Variants in WDR45B observed in about 807,000 individuals in gnomAD.
The protein encoded by WDR45B is WD repeat domain 45B.
Under a neutral mutation model 44.6 loss-of-function variants are expected in WDR45B, and 20 were observed. The observed-to-expected ratio is 0.45, with a 90% CI of 0.32 to 0.65. The LOEUF is 0.65. Among genes scored for constraint, WDR45B ranks in the 30% least tolerant of loss-of-function variants. WDR45B has a pLI of 0.05. For missense variants in WDR45B, 323 were observed against 430.2 expected (o/e 0.75, Z 2.20); for synonymous variants, 169 against 164.9 (o/e 1.02, Z -0.19).
chr17:82,644,229 C>T, intron 1 of WDR45B: 1 of 617,962 alleles, frequency 1.6e-6, no homozygotes. Flanking sequence ...TGTCCTTTAG[C>T]AAAGGAGTCT....
At position 82,615,686 on chromosome 17, in the gene WDR45B, G is replaced by A. The variant is rs978030859; in HGVS notation, c.*233C>T. The A allele has an allele frequency of 6.7e-5, 37 of 554,416 alleles. No homozygotes were observed. The highest frequency in any genetic ancestry group is 9.2e-5 in the Admixed American group (3 of 32,702). The allele number at this position is 554,416 out of a possible 1,614,324, so 34.3% of individuals were successfully genotyped here. On this transcript the variant is annotated 3_prime_UTR_variant, in exon 10 of 10. Coordinates refer to ENST00000392325, the MANE Select transcript of WDR45B (RefSeq NM_019613.4). ...GAACTCATGGGAACAGCCAGTGGCCGCCAGTCGAGCTGGTCACAGCCACTG... is the reference window on the plus strand; with the variant it reads ...GAACTCATGGGAACAGCCAGTGGCCACCAGTCGAGCTGGTCACAGCCACTG...
At position 82,627,249 on chromosome 17, in the gene WDR45B, A is replaced by C. The variant is rs1478796308; in HGVS notation, c.287T>G (p.Ile96Arg). 1 of 1,613,862 alleles carries C rather than the reference A, an allele frequency of 6.2e-7. No individual in the cohort carries two copies. Among genetic ancestry groups the C allele is most frequent in the Admixed American group, 1.7e-5 (1 of 60,034 alleles). ...TGCCTTGACTTCTGTAGAAAATTCT[A>C]TTTCAATAACAGTCTTCTTCTTCAG... Reference protein sequence around the residue: ...DDLKKKTVIEIEFSTEVKAVK... With the variant: ...DDLKKKTVIEREFSTEVKAVK... The change falls in exon 4 of 10, where the codon ATA becomes AGA. Residue 96 changes from isoleucine (I) to arginine (R), a missense_variant. Transcript: ENST00000392325.
rs1285624438 is a variant in WDR45B, at chr17:82,617,321, C to A, written c.781G>T (p.Asp261Tyr). 1 of 1,613,690 alleles carries A rather than the reference C, an allele frequency of 6.2e-7. No individual in the cohort carries two copies. The part of the protein sequence containing the change: ...HGTVHIFAAE[D>Y]PKRNKQSSLA... Reference sequence around the variant, plus strand: ...CTGGACTGTTTATTCCTTTTTGGATCTTCAGCTGCAAAAATATGCACTGTG... The same window carrying A: ...CTGGACTGTTTATTCCTTTTTGGATATTCAGCTGCAAAAATATGCACTGTG... Residue 261 changes from aspartate to tyrosine, a missense_variant, in exon 8 of 10, where the codon GAT becomes TAT. Asp to Tyr is a radical substitution (Grantham distance 160, BLOSUM62 -3). Coordinates refer to ENST00000392325, the MANE Select transcript of WDR45B (RefSeq NM_019613.4).
intron 2 of WDR45B, among the ~76,000 whole-genome samples, chr17:82,639,999 T>C (rs1470904699): frequency 7.3e-6 from 1 of 137,496 alleles, no homozygotes; most frequent in Non-Finnish European, 1.6e-5. Flanking sequence ...GGGCTGTGTG[T>C]GTGGAAAGAA....
Position 82,616,027 on chromosome 17 carries a change from T to C in WDR45B, c.929-2A>G, listed in dbSNP as rs371356377. On this transcript the variant is annotated splice_acceptor_variant, in intron 9 of 9. Coordinates refer to ENST00000392325, the MANE Select transcript of WDR45B (RefSeq NM_019613.4). LOFTEE classifies it high-confidence loss of function. ...AGTAGCTGCCGTCTGCACAAATTGC[T>C]GGGATAGAAGGAGACCATTTTACCT... 6.2e-7 allele frequency: 1 copy of C among 1,613,522 alleles called. No individual in the cohort carries two copies. The highest frequency in any genetic ancestry group is 8.5e-7 in the Non-Finnish European group (1 of 1,179,774).
intron 6 of WDR45B, among the ~76,000 whole-genome samples, chr17:82,619,570 A>AG (rs902793633): frequency 1.3e-5 from 2 of 151,878 alleles, no homozygotes; most frequent in South Asian, 4.2e-4. Flanking sequence ...GCAAAAAAAA[A>AG]AAAATAAAAG....
At chr17:82,643,163 G>A (rs1282377734) in intron 2 of WDR45B, among the ~76,000 whole-genome samples, 4 of 152,116 alleles carry the variant, frequency 2.6e-5, no homozygotes, top group African/African-American at 9.7e-5. Flanking sequence ...GGCCGGGGAC[G>A]GTGGCTCACG....
At chr17:82,647,579 GAAGT>G (rs2045995448) in intron 1 of WDR45B, among the ~76,000 whole-genome samples, 1 of 152,128 alleles carries the variant, frequency 6.6e-6, no homozygotes, top group African/African-American at 2.4e-5. Context: ...CATGGGAAAA[GAAGT>G]AAGATTTCCC....
In WDR45B at chr17:82,616,611, TG is replaced by T. The variant is rs1404152611; in HGVS notation, c.840del (p.Phe280LeufsTer58). On this transcript the variant is annotated frameshift_variant, in exon 9 of 10. Coordinates refer to ENST00000392325, the MANE Select transcript of WDR45B (RefSeq NM_019613.4). LOFTEE classifies it high-confidence loss of function. ...AACTTGGAGAAACTCCACTTGGAAC[TG>T]AAGTATTTTGGAAGGAAACTGGCTG... is the stretch of plus-strand genomic sequence containing the variant. ...LASASFLPKY[F>X]SSKWSFSKFQ... 1 of 1,614,074 alleles carries T rather than the reference TG, an allele frequency of 6.2e-7. No individual in the cohort carries two copies. Among genetic ancestry groups the T allele is most frequent in the Non-Finnish European group, 8.5e-7 (1 of 1,180,012 alleles).
intron 3 of WDR45B, among the ~76,000 whole-genome samples, chr17:82,630,361 C>T (rs1333501689): frequency 3.0e-5 from 4 of 133,330 alleles, no homozygotes; most frequent in African/African-American, 2.8e-5. Flanking sequence ...CTGGATCTTT[C>T]GCCTTGAGCC....
At chr17:82,639,703 G>A (rs545958532) in intron 2 of WDR45B, among the ~76,000 whole-genome samples, 9 of 147,676 alleles carry the variant, frequency 6.1e-5, no homozygotes, top group South Asian at 4.4e-4. Flanking sequence ...GTGTCAGGTC[G>A]AGAGGGCTGC....
At chr17:82,627,166 G>C (rs1170856282) in intron 4 of WDR45B, 38 bp downstream of exon 4, 2 of 1,500,606 alleles carry the variant, frequency 1.3e-6, no homozygotes, top group South Asian at 1.1e-5. Flanking sequence ...TTGAGAAAGT[G>C]AAATACCACT....
chr17:82,640,415 ATC>A (rs972477788), intron 2 of WDR45B, among the ~76,000 whole-genome samples: 8 of 148,944 alleles, frequency 5.4e-5, no homozygotes, highest in Non-Finnish European at 8.9e-5. Context: ...CAGTGGCGAG[ATC>A]TCGGCTCACT....
rs562186058 is a variant in WDR45B, at chr17:82,626,533, C to CAAAAAAAA, written c.332+663_332+670dup. Among the ~76,000 whole-genome samples, 428 of 79,422 alleles carry CAAAAAAAA rather than the reference C, an allele frequency of 5.4e-3. 33 individuals are homozygous for CAAAAAAAA. Among genetic ancestry groups the CAAAAAAAA allele is most frequent in the African/African-American group, 0.03 (405 of 13,648 alleles). The allele number at this position is 79,422 out of a possible 152,430, so 52.1% of individuals were successfully genotyped here. On this transcript the variant is annotated intron_variant, in intron 4 of 9. Transcript: ENST00000392325. ...GGCAACAGAGCAAGACTCTATCTCC[C>CAAAAAAAA]AAAAAAAAAAAAAAAAAAAAAAAAA...
At chr17:82,617,433 G>T (rs1428573216) in intron 7 of WDR45B, 36 bp from the exon 8 acceptor site, 1 of 1,600,786 alleles carries the variant, frequency 6.2e-7, no homozygotes, top group East Asian at 2.2e-5. Flanking sequence ...GGCCTTGTGT[G>T]GATGTGGAGG....
rs1004007976 is a variant in WDR45B at position 82,631,689 on chromosome 17, GT to G, written c.143-668del. 9.9e-5 allele frequency among the ~76,000 whole-genome samples: 15 copies of G among 151,002 alleles called. No individual in the cohort carries two copies. In the East Asian group the frequency reaches 2.9e-3, roughly 29 times the overall value. ...AGTGCTAGGTTTCCAAATTCTCTCA[GT>G]TTACTGTCATCATGTTCACTGTTTC... On this transcript the variant is annotated intron_variant, in intron 2 of 9. Transcript: ENST00000392325.
In WDR45B at chr17:82,626,834, A is replaced by G; in HGVS notation, c.332+370T>C. ...CTTCAAACCGAAAACCTTTATTGAG[A>G]GGCAGCATTTGGCAAAGCAGGGGCT... On this transcript the variant is annotated intron_variant, in intron 4 of 9. Coordinates refer to ENST00000392325, the MANE Select transcript of WDR45B (RefSeq NM_019613.4). 3 of 303,804 alleles carry G rather than the reference A, an allele frequency of 9.9e-6. No individual in the cohort carries two copies. The South Asian group carries it at 1.0e-4, about 11-fold the overall frequency. The allele number at this position is 303,804 out of a possible 1,614,324, so 18.8% of individuals were successfully genotyped here. A position where few individuals can be genotyped will look rare whatever the true frequency, so the allele number is the denominator to read the frequency against.
Position 82,616,634 on chromosome 17 carries a change from G to A in WDR45B, c.818C>T (p.Ala273Val). 6.2e-7 allele frequency: 1 copy of A among 1,614,174 alleles called. No individual in the cohort carries two copies. The highest frequency in any genetic ancestry group is 8.5e-7 in the Non-Finnish European group (1 of 1,180,018). ...ACTGAAGTATTTTGGAAGGAAACTGGCTGAGGCCAAACTGTGAAGACAAGA... is the reference window on the plus strand; with the variant it reads ...ACTGAAGTATTTTGGAAGGAAACTGACTGAGGCCAAACTGTGAAGACAAGA... ...KRNKQSSLAS[A>V]SFLPKYFSSK... The change falls in exon 9 of 10, where the codon GCC becomes GTC. Residue 273 changes from alanine (A) to valine (V), a missense_variant. By Grantham distance (64) the Ala-to-Val change is moderately conservative. Transcript: ENST00000392325.
intron 2 of WDR45B, among the ~76,000 whole-genome samples, chr17:82,631,390 T>A (rs531042254): frequency 1.9e-4 from 27 of 142,688 alleles, no homozygotes; most frequent in Middle Eastern, 3.8e-3. Context: ...TTCAAGCCAC[T>A]CTCCTGCCTC....
Sources: gnomAD v4.1 joint callset for allele counts (sites outside exome capture counted in the v4.1 genomes callset) on GRCh38, gnomAD v4.1.1 for gene constraint, MANE v1.5 for transcripts, NCBI Gene and HGNC (gene_info 2026-07-23, HGNC 2026-07-21) for gene names.